DPM1: variants seen among roughly 807,000 people sequenced by gnomAD.
DPM1 encodes the protein dolichol-phosphate mannosyltransferase subunit 1.
In DPM1, 27 loss-of-function variants were observed where a neutral mutation model predicts 39.0. The observed-to-expected ratio is 0.69, with a 90% CI of 0.51 to 0.95. The LOEUF (loss-of-function observed/expected upper bound fraction) is 0.95. Among genes scored for constraint, DPM1 ranks in the 40% least tolerant of loss-of-function variants. The pLI, the probability that DPM1 is intolerant of heterozygous loss-of-function variation, is 0.00. For synonymous variants in DPM1, 124 were observed against 109.0 expected (o/e 1.14, Z -0.86); for missense variants, 307 against 315.6 (o/e 0.97, Z 0.21).
chr20:50,953,708 T>C (rs1986695392), intron 2 of DPM1, among the ~76,000 whole-genome samples: 1 of 152,178 alleles, frequency 6.6e-6, no homozygotes, highest in Non-Finnish European at 1.5e-5. Context: ...TTAGTAACCA[T>C]TCCCTAAAAT....
In DPM1 at chr20:50,935,176, C is replaced by G; in HGVS notation, c.739G>C (p.Val247Leu). Residue 247 changes from valine (V) to leucine (L), a missense_variant, in exon 9 of 9, where the codon GTA becomes CTA. Physicochemically the swap from Val to Leu is conservative, Grantham distance 32. Transcript: ENST00000371588. Reference sequence around the variant, plus strand: ...GTCAATAATCCTTTCAAGAAAGATACTATTTCATTTCCTCCCAACTTGGAT... The same window carrying G: ...GTCAATAATCCTTTCAAGAAAGATAGTATTTCATTTCCTCCCAACTTGGAT... ...GESKLGGNEI[V>L]SFLKGLLTLF... The G allele has an allele frequency of 6.2e-7, 1 of 1,608,846 alleles. No homozygotes were observed. Among genetic ancestry groups the G allele is most frequent in the Non-Finnish European group, 8.5e-7 (1 of 1,176,218 alleles).
chr20:50,948,176 C>G (rs1986393971), intron 3 of DPM1, among the ~76,000 whole-genome samples: 1 of 152,178 alleles, frequency 6.6e-6, no homozygotes, highest in Non-Finnish European at 1.5e-5. Context: ...TACTCTCCCT[C>G]CTACCTCTGA....
intron 7 of DPM1, among the ~76,000 whole-genome samples, chr20:50,939,311 G>C (rs770572647): frequency 1.3e-5 from 2 of 152,138 alleles, no homozygotes; most frequent in Non-Finnish European, 2.9e-5. Context: ...CAGAGATTTT[G>C]TGAGTGCCAC....
intron 5 of DPM1, among the ~76,000 whole-genome samples, chr20:50,942,494 ACTCCAT>A (rs1460231844): frequency 5.6e-5 from 8 of 143,086 alleles, no homozygotes; most frequent in Non-Finnish European, 6.1e-5. Context: ...CAAGAGTGAG[ACTCCAT>A]CTCAAAAAAA....
rs121908583 is a variant in DPM1 at position 50,948,650 on chromosome 20, G to C, written c.274C>G (p.Arg92Gly). Residue 92 changes from arginine to glycine, a missense_variant, in exon 3 of 9, where the codon CGA (arginine) becomes GGA (glycine). By Grantham distance (125) the Arg-to-Gly change is moderately radical. Around this residue, in one of 3 missense-constraint regions of DPM1, gnomAD observed 206 missense variants for 188.2 expected, o/e 1.09. Coordinates refer to ENST00000371588, the MANE Select transcript of DPM1 (RefSeq NM_003859.3). Reference sequence around the variant, plus strand: ...TTACCTAGTCCCAACTTTTTCTCTCGTGGTCTTAGAAGCTGTAGGAATAAG... The same window carrying C: ...TTACCTAGTCCCAACTTTTTCTCTCCTGGTCTTAGAAGCTGTAGGAATAAG... ...YGSDRILLRP[R>G]EKKLGLGTAY... 76 of 1,613,660 alleles carry C rather than the reference G, an allele frequency of 4.7e-5. No homozygotes were observed. Among genetic ancestry groups the C allele is most frequent in the Non-Finnish European group, 5.8e-5 (68 of 1,179,768 alleles).
intron 7 of DPM1, among the ~76,000 whole-genome samples, chr20:50,938,808 C>T (rs1197305010): frequency 2.0e-5 from 3 of 151,184 alleles, no homozygotes; most frequent in Non-Finnish European, 4.4e-5. Context: ...GGAGAAACCC[C>T]ATCTCTACTA....
chr20:50,940,086 T>TTGTGTGTGTGTGTGTG (rs11469059), intron 7 of DPM1, among the ~76,000 whole-genome samples: 23 of 146,636 alleles, frequency 1.6e-4, no homozygotes, highest in African/African-American at 5.0e-4. Flanking sequence ...AGGTCCTAAT[T>TTGTGTGTGTGTGTGTG]TGTGTGTGTG....
At chr20:50,956,020 A>AGG (rs1986806854) in intron 1 of DPM1, among the ~76,000 whole-genome samples, 2 of 152,276 alleles carry the variant, frequency 1.3e-5, no homozygotes, top group African/African-American at 4.8e-5. Context: ...AGAATAATCA[A>AGG]GTATAAATCT....
chr20:50,942,230 G>A, intron 5 of DPM1, 104 bp from the exon 6 acceptor site: 1 of 1,022,278 alleles, frequency 9.8e-7, no homozygotes, highest in East Asian at 2.4e-5. Flanking sequence ...GACACAGGCT[G>A]GGTGCAGTGG....
intron 1 of DPM1, among the ~76,000 whole-genome samples, 186 bp from the exon 2 acceptor site, chr20:50,955,471 G>A (rs1986779110): frequency 6.6e-6 from 1 of 152,218 alleles, no homozygotes; most frequent in African/African-American, 2.4e-5. Context: ...AACCCAGTAT[G>A]TTGCTGAAAC....
chr20:50,953,963 TAGA>T (rs1986707928), intron 2 of DPM1, among the ~76,000 whole-genome samples: 1 of 152,122 alleles, frequency 6.6e-6, no homozygotes, highest in African/African-American at 2.4e-5. Flanking sequence ...TCCCATCCAT[TAGA>T]AGGTTTTCAG....
Position 50,942,037 on chromosome 20 carries a change from ATTT to A in DPM1, c.485_487del (p.Lys162del), listed in dbSNP as rs1426906973. 2.5e-6 allele frequency: 4 copies of A among 1,612,602 alleles called. No homozygotes were observed. Among genetic ancestry groups the A allele is most frequent in the Non-Finnish European group, 3.4e-6 (4 of 1,178,784 alleles). On this transcript the variant is annotated inframe_deletion, in exon 6 of 9. Coordinates refer to ENST00000371588, the MANE Select transcript of DPM1 (RefSeq NM_003859.3). ...TTGTAACACATGTACCTACCTGATT[ATTT>A]TTCTTTTCAAATCCCAGCCATATAC...
At chr20:50,949,293 A>G (rs772110442) in intron 2 of DPM1, among the ~76,000 whole-genome samples, 3 of 152,162 alleles carry the variant, frequency 2.0e-5, no homozygotes, top group Non-Finnish European at 4.4e-5. Context: ...ATTCCTTCCT[A>G]GAAAAATGTA....
intron 2 of DPM1, among the ~76,000 whole-genome samples, chr20:50,950,740 C>G (rs546555075): frequency 3.9e-4 from 60 of 152,128 alleles, no homozygotes; most frequent in African/African-American, 1.1e-3. Flanking sequence ...TGTAGTGGCA[C>G]GTGCCTGTAA....
intron 2 of DPM1, among the ~76,000 whole-genome samples, chr20:50,951,832 G>A (rs1370915464): frequency 6.6e-6 from 1 of 151,864 alleles, no homozygotes; most frequent in African/African-American, 2.4e-5. Flanking sequence ...TTCATCAAAG[G>A]CAACTTCGGT....
intron 1 of DPM1, among the ~76,000 whole-genome samples, chr20:50,955,740 T>A (rs1169507577): frequency 1.3e-5 from 2 of 152,320 alleles, no homozygotes; most frequent in South Asian, 2.1e-4. Flanking sequence ...ATTTTTTGTA[T>A]TTTTAGTAGA....
In DPM1 at chr20:50,958,427, T is replaced by C. The variant is rs1601065445; in HGVS notation, c.97A>G (p.Thr33Ala). 4 of 1,613,986 alleles carry C rather than the reference T, an allele frequency of 2.5e-6. No homozygotes were observed. The highest frequency in any genetic ancestry group is 3.4e-6 in the Non-Finnish European group (4 of 1,180,002). ...RQNKYSVLLP[T>A]YNERENLPLI... ...GGCAGGTTCTCGCGCTCGTTGTAGG[T>C]AGGTAAAAGCACCGAATATTTGTTC... Residue 33 changes from threonine to alanine, a missense_variant, in exon 1 of 9, where the codon ACC becomes GCC. Thr to Ala is a moderately conservative substitution (Grantham distance 58). This residue lies in a region of DPM1 where 206 missense variants were observed against 188.2 expected (regional missense o/e 1.09). Coordinates refer to ENST00000371588, the MANE Select transcript of DPM1 (RefSeq NM_003859.3).
chr20:50,954,057 T>C lies in DPM1; in HGVS notation c.261+1129A>G, dbSNP rs183488592. ...AATTCCTAGAACTACATTTACCATG[T>C]AGTAACACAGTTCCTTTAAACTCTT... On this transcript the variant is annotated intron_variant, in intron 2 of 8. Transcript: ENST00000371588. 1.3e-3 allele frequency among the ~76,000 whole-genome samples: 194 copies of C among 152,324 alleles called. 1 individual carries two copies. Among genetic ancestry groups the C allele is most frequent in the African/African-American group, 4.5e-3 (188 of 41,570 alleles).
intron 1 of DPM1, among the ~76,000 whole-genome samples, chr20:50,955,601 T>C (rs1986784317): frequency 6.6e-6 from 1 of 152,228 alleles, no homozygotes; most frequent in African/African-American, 2.4e-5. Context: ...GATGGAGTCT[T>C]GCTCTGTTGC....
Sources: gnomAD v4.1 joint callset for allele counts (sites outside exome capture counted in the v4.1 genomes callset) on GRCh38, gnomAD v4.1.1 for gene constraint, gnomAD v4.1.1 regional missense constraint, MANE v1.5 for transcripts, NCBI Gene and HGNC (gene_info 2026-07-23, HGNC 2026-07-21) for gene names.